Variants in CTXND1 observed in about 807,000 individuals in gnomAD.
The protein encoded by CTXND1 is cortexin domain-containing 1 protein.
At chr15:80,248,572 C>T (rs1215905696) in intron 1 of CTXND1, among the ~76,000 whole-genome samples, 1 of 152,186 alleles carries the variant, frequency 6.6e-6, no homozygotes, top group Non-Finnish European at 1.5e-5. Context: ...GTTCTGGCTC[C>T]ATGGGAAAGA....
chr15:80,225,243 T>C (rs751909106), intron 1 of CTXND1, among the ~76,000 whole-genome samples: 1 of 152,232 alleles, frequency 6.6e-6, no homozygotes, highest in Non-Finnish European at 1.5e-5. Context: ...TGGCAACAAA[T>C]ATATTATTTA....
At chr15:80,248,278 T>G (rs1012914315) in intron 1 of CTXND1, among the ~76,000 whole-genome samples, 3 of 152,202 alleles carry the variant, frequency 2.0e-5, no homozygotes, top group Non-Finnish European at 4.4e-5. Flanking sequence ...TCAGGCCTAG[T>G]AGCAATGCAT....
intron 1 of CTXND1, among the ~76,000 whole-genome samples, chr15:80,226,413 C>G (rs1893372082): frequency 6.6e-6 from 1 of 152,130 alleles, no homozygotes; most frequent in Non-Finnish European, 1.5e-5. Context: ...TTTTGTAACT[C>G]CCACTCAGTA....
At position 80,220,168 on chromosome 15, in the gene CTXND1, TC is replaced by T. The variant is rs60434274; in HGVS notation, c.-217-16429del. ...TATCATCTATCTATCTATCTATCTA[TC>T]TATTTATCTATCTATCTATATTAGA... On this transcript the variant is annotated intron_variant, in intron 1 of 2. Transcript: ENST00000560778. Among the ~76,000 whole-genome samples, 899 of 151,790 alleles carry T rather than the reference TC, an allele frequency of 5.9e-3. 11 individuals carry two copies. The highest frequency in any genetic ancestry group is 0.021 in the African/African-American group (864 of 41,328).
chr15:80,220,784 G>A (rs1336356667), intron 1 of CTXND1, among the ~76,000 whole-genome samples: 1 of 151,280 alleles, frequency 6.6e-6, no homozygotes, highest in Non-Finnish European at 1.5e-5. Flanking sequence ...TTATAGTATT[G>A]ATTTTTTTTT....
chr15:80,226,989 G>A (rs953504171), intron 1 of CTXND1, among the ~76,000 whole-genome samples: 1 of 152,050 alleles, frequency 6.6e-6, no homozygotes, highest in Non-Finnish European at 1.5e-5. Flanking sequence ...TTTGCTCTTT[G>A]CCTATTAACT....
chr15:80,209,262 A>G (rs933982781), intron 1 of CTXND1, among the ~76,000 whole-genome samples: 5 of 152,182 alleles, frequency 3.3e-5, no homozygotes, highest in African/African-American at 1.2e-4. Context: ...AACCTTAATT[A>G]CCAGGCAGGC....
chr15:80,221,099 CG>C (rs1391530237), intron 1 of CTXND1, among the ~76,000 whole-genome samples: 1 of 151,808 alleles, frequency 6.6e-6, no homozygotes, highest in Non-Finnish European at 1.5e-5. Context: ...TTAGTAGAGA[CG>C]GGGTTTCACC....
intron 1 of CTXND1, among the ~76,000 whole-genome samples, chr15:80,233,062 C>T (rs1340828543): frequency 1.3e-5 from 2 of 151,954 alleles, no homozygotes; most frequent in South Asian, 4.2e-4. Context: ...CTGCCTCAGC[C>T]TCCTGAGTAT....
At chr15:80,218,252 C>T (rs1893274452) in intron 1 of CTXND1, among the ~76,000 whole-genome samples, 1 of 152,104 alleles carries the variant, frequency 6.6e-6, no homozygotes, top group Non-Finnish European at 1.5e-5. Flanking sequence ...CCTATCACTT[C>T]AGCCTCCCAA....
intron 1 of CTXND1, among the ~76,000 whole-genome samples, chr15:80,205,478 C>T (rs908217792): frequency 4.6e-5 from 7 of 152,108 alleles, no homozygotes; most frequent in African/African-American, 1.7e-4. Context: ...GATGGTTGTC[C>T]TACAGTTGAA....
intron 1 of CTXND1, among the ~76,000 whole-genome samples, chr15:80,215,885 A>T (rs1324059457): frequency 6.6e-6 from 1 of 152,174 alleles, no homozygotes; most frequent in African/African-American, 2.4e-5. Flanking sequence ...GATTTCTGCA[A>T]CTTCAATCTT....
intron 1 of CTXND1, among the ~76,000 whole-genome samples, chr15:80,209,412 T>A (rs1214441930): frequency 6.6e-6 from 1 of 152,198 alleles, no homozygotes; most frequent in Non-Finnish European, 1.5e-5. Flanking sequence ...CATAACTGCA[T>A]CATCCTTCAA....
intron 1 of CTXND1, among the ~76,000 whole-genome samples, chr15:80,220,140 A>G (rs1880684502): frequency 1.1e-5 from 1 of 89,182 alleles, no homozygotes. Context: ...CTATCTATCT[A>G]TCTATCATCT....
intron 1 of CTXND1, among the ~76,000 whole-genome samples, chr15:80,209,747 C>G (rs1005339383): frequency 1.3e-5 from 2 of 152,158 alleles, no homozygotes; most frequent in Non-Finnish European, 2.9e-5. Flanking sequence ...AAAGGGTGCA[C>G]AAATACAGGA....
At position 80,200,042 on chromosome 15, in the gene CTXND1, CGCCATA is replaced by C. The variant is rs1288767446; in HGVS notation, c.*1722_*1727del. On this transcript the variant is annotated 3_prime_UTR_variant, in exon 3 of 3. Coordinates refer to ENST00000560778, the MANE Select transcript of CTXND1 (RefSeq NM_001352888.2). ...AAAGGCAATTATGTAAATTGGTAGACGCCATATCCCTTGAGGTCAGGTGCTGGGAAA... is the reference window on the plus strand; with the variant it reads ...AAAGGCAATTATGTAAATTGGTAGACTCCCTTGAGGTCAGGTGCTGGGAAA... The C allele has an allele frequency of 6.6e-6, 1 of 152,266 alleles. No homozygotes were observed. Among genetic ancestry groups the C allele is most frequent in the Non-Finnish European group, 1.5e-5 (1 of 68,090 alleles). 9.4% of individuals were successfully genotyped at this position (152,266 alleles called of 1,614,324 possible).
In CTXND1 at chr15:80,240,042, C is replaced by T. The variant is rs59771784; in HGVS notation, c.-218+11965G>A. On this transcript the variant is annotated intron_variant, in intron 1 of 2. Transcript: ENST00000560778. ...GTGCAATGGCACGATCTCAGCCCAC[C>T]GCAACCTCCGTCTCCCAGGTTCAAG... Among the ~76,000 whole-genome samples, 2,622 of 152,264 alleles carry T rather than the reference C, an allele frequency of 0.017. 216 individuals carry two copies. In the East Asian group the frequency reaches 0.26, roughly 15 times the overall value.
At chr15:80,207,532 C>T (rs1893160180) in intron 1 of CTXND1, among the ~76,000 whole-genome samples, 1 of 152,122 alleles carries the variant, frequency 6.6e-6, no homozygotes, top group Non-Finnish European at 1.5e-5. Context: ...TTTGATAACT[C>T]CAATATCTAG....
chr15:80,231,333 G>C (rs899910178), intron 1 of CTXND1, among the ~76,000 whole-genome samples: 5 of 150,776 alleles, frequency 3.3e-5, no homozygotes, highest in African/African-American at 1.2e-4. Flanking sequence ...ACAGAGCCTT[G>C]CCACCTTCTC....
Sources: allele counts gnomAD v4.1 joint callset (sites outside exome capture counted in the v4.1 genomes callset), GRCh38; gene constraint gnomAD v4.1.1; transcripts MANE v1.5; gene names NCBI Gene and HGNC (gene_info 2026-07-23, HGNC 2026-07-21).